The following SUPT20H variants were observed in gnomAD, a reference collection of about 807,000 sequenced individuals.
SUPT20H encodes SPT20 homolog, SAGA complex component.
SUPT20H carries 82 observed loss-of-function variants against 122.8 expected under a neutral mutation model. The ratio of observed to expected loss-of-function variants is 0.67; its 90% CI spans 0.56 to 0.80. The LOEUF is 0.80. SUPT20H is among the 30% of genes least tolerant of loss of function. The pLI, the probability that SUPT20H is intolerant of heterozygous loss-of-function variation, is 0.00. For missense variants in SUPT20H, 831 were observed against 921.6 expected (o/e 0.90, Z 1.27); for synonymous variants, 291 against 313.0 (o/e 0.93, Z 0.74).
intron 1 of SUPT20H, among the ~76,000 whole-genome samples, chr13:37,057,743 G>A (rs942587181): frequency 6.6e-6 from 1 of 152,096 alleles, no homozygotes; most frequent in Non-Finnish European, 1.5e-5. Flanking sequence ...GGAGGCCAAG[G>A]CAGGTGGATT....
At chr13:37,056,849 C>T (rs1278280196) in intron 1 of SUPT20H, 6 of 152,060 alleles carry the variant, frequency 3.9e-5, no homozygotes, top group Non-Finnish European at 7.4e-5. Flanking sequence ...ACTTGCAGAG[C>T]TTCAAACTGT....
At position 37,022,416 on chromosome 13, in the gene SUPT20H, C is replaced by T. The variant is rs2061566774; in HGVS notation, c.1592-336G>A. On this transcript the variant is annotated intron_variant, in intron 19 of 25. Transcript: ENST00000350612. The surrounding 1 kb of genome is among the most constrained non-coding windows in gnomAD (Gnocchi z 4.5). ...TCTTACTTAGCACTGACAATTTGTTCTAGTTTTTTTTTTTTTAGCAGTTAA... is the reference window on the plus strand; with the variant it reads ...TCTTACTTAGCACTGACAATTTGTTTTAGTTTTTTTTTTTTTAGCAGTTAA... 1.6e-6 allele frequency: 2 copies of T among 1,272,506 alleles called. No homozygotes were observed. The highest frequency in any genetic ancestry group is 3.0e-5 in the South Asian group (1 of 32,832). The allele number at this position is 1,272,506 out of a possible 1,614,324, so 78.8% of individuals were successfully genotyped here.
intron 1 of SUPT20H, among the ~76,000 whole-genome samples, chr13:37,052,116 T>C (rs2067864499): frequency 6.6e-6 from 1 of 152,186 alleles, no homozygotes; most frequent in South Asian, 2.1e-4. Context: ...CCCTAAGTAC[T>C]CGTAGATTCA....
intron 9 of SUPT20H, among the ~76,000 whole-genome samples, chr13:37,037,363 T>G (rs1013088797): frequency 2.0e-5 from 3 of 152,212 alleles, no homozygotes; most frequent in Non-Finnish European, 2.9e-5. Flanking sequence ...GTAACCTTTT[T>G]ATAGACTAGG....
At chr13:37,044,694 G>A (rs1257940705) in intron 6 of SUPT20H, among the ~76,000 whole-genome samples, 1 of 152,006 alleles carries the variant, frequency 6.6e-6, no homozygotes, top group Non-Finnish European at 1.5e-5. Flanking sequence ...AAACTGAAGT[G>A]TTTCTATTTT....
At chr13:37,027,136 T>C (rs1355811396) in intron 14 of SUPT20H, among the ~76,000 whole-genome samples, 2 of 152,056 alleles carry the variant, frequency 1.3e-5, no homozygotes, top group African/African-American at 4.8e-5. Flanking sequence ...CAATATTGGG[T>C]ACTATATTCA....
In SUPT20H at chr13:37,040,424, T is replaced by C; in HGVS notation, c.548A>G (p.Asp183Gly). ...ACTAACCTGGGTCCATTTGTGGTTA[T>C]CACTTGTTATTGAATGTACATCACA... ...LICDVHSITS[D>G]NHKWTQEDKL... The change falls in exon 9 of 26, where the codon GAT (aspartate) becomes GGT (glycine). Residue 183 changes from aspartate to glycine, a missense_variant. Physicochemically the swap from Asp to Gly is moderately conservative, Grantham distance 94. Transcript: ENST00000350612. The C allele has an allele frequency of 1.3e-6, 2 of 1,577,076 alleles. No homozygotes were observed. The highest frequency in any genetic ancestry group is 2.4e-5 in the South Asian group (2 of 82,776).
chr13:37,031,953 G>T, intron 10 of SUPT20H, 58 bp from the exon 11 acceptor site: 1 of 1,458,876 alleles, frequency 6.9e-7, no homozygotes, highest in Non-Finnish European at 9.2e-7. Flanking sequence ...CATAATATAT[G>T]TGAGTTGAAA....
Position 37,048,554 on chromosome 13 carries a change from C to G in SUPT20H, c.39+10G>C. On this transcript the variant is annotated intron_variant, in intron 3 of 25. Coordinates refer to ENST00000350612, the MANE Select transcript of SUPT20H (RefSeq NM_001014286.3). ...ACACTATTTCAATATGTAACTTAGTCACACCTCACCTCTGCACGATCCAAA... is the reference window on the plus strand; with the variant it reads ...ACACTATTTCAATATGTAACTTAGTGACACCTCACCTCTGCACGATCCAAA... 1 of 1,583,530 alleles carries G rather than the reference C, an allele frequency of 6.3e-7. No individual in the cohort carries two copies. The highest frequency in any genetic ancestry group is 8.6e-7 in the Non-Finnish European group (1 of 1,167,182).
At chr13:37,051,427 T>C (rs1332817945) in intron 2 of SUPT20H, 61 bp downstream of exon 2, 2 of 1,514,452 alleles carry the variant, frequency 1.3e-6, no homozygotes, top group African/African-American at 1.4e-5. Flanking sequence ...AATATCTTTA[T>C]GAAGATGAAG....
intron 21 of SUPT20H, 42 bp from the exon 22 acceptor site, chr13:37,019,439 A>G (rs2139397647): frequency 7.2e-7 from 1 of 1,395,542 alleles, no homozygotes; most frequent in Non-Finnish European, 9.9e-7. Context: ...TTGAAAGTTT[A>G]TTACACATGA....
At position 37,023,499 on chromosome 13, in the gene SUPT20H, T is replaced by C. The variant is rs147617841; in HGVS notation, c.1591+536A>G. Reference sequence around the variant, plus strand: ...TTTCAGTATCTTCAGAATAATGCTTTATGATTATCATCACATTTTAGTAAC... The same window carrying C: ...TTTCAGTATCTTCAGAATAATGCTTCATGATTATCATCACATTTTAGTAAC... On this transcript the variant is annotated intron_variant, in intron 19 of 25. Transcript: ENST00000350612. 2.9e-3 allele frequency: 446 copies of C among 152,794 alleles called. 3 individuals are homozygous for C. The highest frequency in any genetic ancestry group is 6.8e-3 in the Admixed American group (104 of 15,362). 9.5% of individuals were successfully genotyped at this position (152,794 alleles called of 1,614,324 possible).
intron 1 of SUPT20H, among the ~76,000 whole-genome samples, chr13:37,054,482 G>A (rs1281089746): frequency 2.0e-5 from 3 of 152,150 alleles, no homozygotes; most frequent in Admixed American, 6.6e-5. Context: ...ATCAATAAAC[G>A]TAATCCAGCA....
chr13:37,022,404 T>G lies in SUPT20H; in HGVS notation c.1592-324A>C. 7.7e-7 allele frequency: 1 copy of G among 1,301,868 alleles called. No homozygotes were observed. The highest frequency in any genetic ancestry group is 9.7e-7 in the Non-Finnish European group (1 of 1,026,574). The allele number at this position is 1,301,868 out of a possible 1,614,324, so 80.6% of individuals were successfully genotyped here. A position where few individuals can be genotyped will look rare whatever the true frequency, so the allele number is the denominator to read the frequency against. Reference sequence around the variant, plus strand: ...AGGTTAATGGAATCTTACTTAGCACTGACAATTTGTTCTAGTTTTTTTTTT... The same window carrying G: ...AGGTTAATGGAATCTTACTTAGCACGGACAATTTGTTCTAGTTTTTTTTTT... On this transcript the variant is annotated intron_variant, in intron 19 of 25. Coordinates refer to ENST00000350612, the MANE Select transcript of SUPT20H (RefSeq NM_001014286.3). The surrounding 1 kb of genome is among the most constrained non-coding windows in gnomAD (Gnocchi z 4.5).
At position 37,052,314 on chromosome 13, in the gene SUPT20H, C is replaced by T. The variant is rs373043732; in HGVS notation, c.-93-731G>A. On this transcript the variant is annotated intron_variant, in intron 1 of 25. Transcript: ENST00000350612. The stretch of plus-strand genomic sequence containing the variant: ...CTACAGTAACCAAAACAGCATGCTA[C>T]TGGTACCAAAACAGATATACAGACC... 2.1e-3 allele frequency among the ~76,000 whole-genome samples: 324 copies of T among 152,288 alleles called. No homozygotes were observed. The Middle Eastern group carries it at 0.024, about 11-fold the overall frequency.
intron 2 of SUPT20H, among the ~76,000 whole-genome samples, chr13:37,050,889 A>C (rs1174952069): frequency 6.6e-6 from 1 of 152,192 alleles, no homozygotes; most frequent in African/African-American, 2.4e-5. Flanking sequence ...TAAATAAATA[A>C]CATGGTGGTC....
intron 1 of SUPT20H, among the ~76,000 whole-genome samples, chr13:37,057,298 A>C (rs1481461827): frequency 4.6e-5 from 7 of 151,962 alleles, no homozygotes; most frequent in Admixed American, 4.6e-4. Context: ...CTGTCTCAAA[A>C]AAAAAAAAGT....
intron 1 of SUPT20H, chr13:37,057,266 G>A (rs919427953): frequency 6.6e-6 from 1 of 151,456 alleles, no homozygotes; most frequent in African/African-American, 2.4e-5. Flanking sequence ...CTGTACTCCA[G>A]CCTGGGTAAA....
chr13:37,029,670 C>G, intron 13 of SUPT20H, 95 bp downstream of exon 13: 1 of 1,037,188 alleles, frequency 9.6e-7, no homozygotes, highest in South Asian at 1.6e-5. Context: ...AAAAAAGGTC[C>G]CAAACTAATG....
Sources: allele counts gnomAD v4.1 joint callset (sites outside exome capture counted in the v4.1 genomes callset), GRCh38; gene constraint gnomAD v4.1.1; non-coding constraint Gnocchi (gnomAD v3.1); transcripts MANE v1.5; gene names NCBI Gene and HGNC (gene_info 2026-07-23, HGNC 2026-07-21).